Variants in ARMC2 observed in about 807,000 individuals in gnomAD.
ARMC2 encodes armadillo repeat-containing protein 2.
A neutral mutation model predicts 90.3 loss-of-function variants in ARMC2; 67 were observed. The observed-to-expected ratio is 0.74, with a 90% CI of 0.61 to 0.91. The LOEUF is 0.91. ARMC2 is among the 40% of genes least tolerant of loss of function. ARMC2 has a pLI of 0.00. For missense variants in ARMC2, 920 were observed against 1,030.9 expected (o/e 0.89, Z 1.47); for synonymous variants, 393 against 393.0 (o/e 1.00, Z 0.00).
intron 13 of ARMC2, among the ~76,000 whole-genome samples, chr6:108,956,449 C>A: frequency 6.6e-6 from 1 of 151,632 alleles, no homozygotes; most frequent in African/African-American, 2.4e-5. Flanking sequence ...ATAATCCCAG[C>A]ACTTTGGGAA....
At chr6:108,868,356 A>G (rs1408268702) in intron 3 of ARMC2, among the ~76,000 whole-genome samples, 1 of 152,160 alleles carries the variant, frequency 6.6e-6, no homozygotes, top group Non-Finnish European at 1.5e-5. Context: ...AGCTGGGACT[A>G]CAAGCATGCG....
At chr6:108,874,204 G>C (rs777158107) in intron 4 of ARMC2, among the ~76,000 whole-genome samples, 2 of 152,128 alleles carry the variant, frequency 1.3e-5, no homozygotes, top group African/African-American at 2.4e-5. Flanking sequence ...GCAGCTCTTC[G>C]TTGTAGTAAT....
intron 7 of ARMC2, among the ~76,000 whole-genome samples, chr6:108,900,789 A>C (rs1405424827): frequency 6.6e-6 from 1 of 152,112 alleles, no homozygotes; most frequent in Non-Finnish European, 1.5e-5. Flanking sequence ...CTCTGTGTGC[A>C]ATAGTGTTCT....
At chr6:108,926,472 C>T (rs1284197984) in intron 10 of ARMC2, among the ~76,000 whole-genome samples, 1 of 152,222 alleles carries the variant, frequency 6.6e-6, no homozygotes, top group Non-Finnish European at 1.5e-5. Context: ...CCCCTGTAAT[C>T]CCAGCGCTTT....
At chr6:108,865,085 C>G (rs1002723317) in intron 3 of ARMC2, among the ~76,000 whole-genome samples, 1 of 150,046 alleles carries the variant, frequency 6.7e-6, no homozygotes, top group Non-Finnish European at 1.5e-5. Context: ...CAGGTTCAAG[C>G]AATTCTCCTG....
chr6:108,895,935 T>C (rs898933791), intron 6 of ARMC2, among the ~76,000 whole-genome samples: 2 of 152,208 alleles, frequency 1.3e-5, no homozygotes, highest in African/African-American at 4.8e-5. Flanking sequence ...AATGTTAATA[T>C]CTGACCAAAC....
At chr6:108,953,450 C>A in intron 13 of ARMC2, 99 bp downstream of exon 13, 1 of 1,235,108 alleles carries the variant, frequency 8.1e-7, no homozygotes, top group Non-Finnish European at 1.1e-6. Context: ...TTTATTATCA[C>A]AAGTGGCTCC....
chr6:109,037,274 T>C, the ARMC2 span, among the ~76,000 whole-genome samples: 1 of 152,212 alleles, frequency 6.6e-6, no homozygotes, highest in African/African-American at 2.4e-5. Context: ...ATTAAGGTTA[T>C]AAAAATTTTG....
At chr6:108,980,527 G>A in the ARMC2 span, among the ~76,000 whole-genome samples, 6 of 136,436 alleles carry the variant, frequency 4.4e-5, no homozygotes, top group East Asian at 4.0e-4. Context: ...TGAGGAGAAC[G>A]CCTGCTGGGA....
At chr6:108,881,323 T>TTCCTTCCTTCCTTCCTTCCTTCAC in intron 5 of ARMC2, among the ~76,000 whole-genome samples, 1 of 135,398 alleles carries the variant, frequency 7.4e-6, no homozygotes, top group Non-Finnish European at 1.6e-5. Context: ...CCTTCACTCC[T>TTCCTTCCTTCCTTCCTTCCTTCAC]TCCTTCCTTC....
rs573377323 is a variant in ARMC2, at chr6:108,935,498, GTGT to G, written c.1497-1398_1497-1396del. 4.5e-3 allele frequency among the ~76,000 whole-genome samples: 682 copies of G among 152,196 alleles called. 5 individuals are homozygous for G. Among genetic ancestry groups the G allele is most frequent in the African/African-American group, 0.016 (664 of 41,512 alleles). On this transcript the variant is annotated intron_variant, in intron 11 of 17. Coordinates refer to ENST00000392644, the MANE Select transcript of ARMC2 (RefSeq NM_032131.6). Reference sequence around the variant, plus strand: ...ACTCTGTCACCCAGGCTGGAGTGCAGTGTTGTGATCTTGGCTCACTGCAACCTT... The same window carrying G: ...ACTCTGTCACCCAGGCTGGAGTGCAGTGTGATCTTGGCTCACTGCAACCTT...
At chr6:108,948,939 G>A (rs1214357181) in intron 12 of ARMC2, among the ~76,000 whole-genome samples, 1 of 152,118 alleles carries the variant, frequency 6.6e-6, no homozygotes, top group East Asian at 1.9e-4. Context: ...ATAGCTGGAG[G>A]TGGGACAGGG....
chr6:108,931,621 T>A (rs1186889257), intron 11 of ARMC2, among the ~76,000 whole-genome samples: 1 of 152,012 alleles, frequency 6.6e-6, no homozygotes, highest in Non-Finnish European at 1.5e-5. Flanking sequence ...CCATTCTGAC[T>A]GGTGTGAGAT....
At chr6:108,924,555 G>A (rs987710796) in intron 10 of ARMC2, among the ~76,000 whole-genome samples, 17 of 152,252 alleles carry the variant, frequency 1.1e-4, no homozygotes, top group Non-Finnish European at 2.1e-4. Flanking sequence ...TGTAATCGAG[G>A]GCACTCTGGG....
chr6:109,001,316 AG>A, the ARMC2 span: 2 of 1,613,656 alleles, frequency 1.2e-6, no homozygotes, highest in Non-Finnish European at 8.5e-7. Flanking sequence ...ACGATAATGT[AG>A]GGGTAACGGC....
chr6:108,954,273 C>G (rs151318518), intron 13 of ARMC2, among the ~76,000 whole-genome samples: 10 of 152,342 alleles, frequency 6.6e-5, no homozygotes, highest in Non-Finnish European at 1.2e-4. Context: ...TCATCTCCCA[C>G]AAGCACTTCT....
intron 12 of ARMC2, among the ~76,000 whole-genome samples, chr6:108,941,754 C>T: frequency 6.6e-6 from 1 of 152,160 alleles, no homozygotes; most frequent in East Asian, 1.9e-4. Flanking sequence ...TCGGCCCCCT[C>T]ATTAATGAGT....
At chr6:109,042,947 CA>C in the ARMC2 span, among the ~76,000 whole-genome samples, 1 of 151,790 alleles carries the variant, frequency 6.6e-6, no homozygotes, top group Non-Finnish European at 1.5e-5. Flanking sequence ...AAATCCTAAA[CA>C]AAATATTAGC....
intron 5 of ARMC2, among the ~76,000 whole-genome samples, chr6:108,879,597 T>C (rs559875440): frequency 7.6e-6 from 1 of 132,020 alleles, no homozygotes; most frequent in African/African-American, 2.9e-5. Flanking sequence ...TGTTCGTCCA[T>C]CCATCCATCC....
Sources: allele counts gnomAD v4.1 joint callset (sites outside exome capture counted in the v4.1 genomes callset), GRCh38; gene constraint gnomAD v4.1.1; transcripts MANE v1.5; gene names NCBI Gene and HGNC (gene_info 2026-07-23, HGNC 2026-07-21).